Variants in WDPCP observed in about 807,000 individuals in gnomAD.
WDPCP encodes the protein WD repeat containing planar cell polarity effector, also known as WD repeat-containing and planar cell polarity effector protein fritz homolog.
In WDPCP, 71 loss-of-function variants were observed where a neutral mutation model predicts 93.1. The ratio of observed to expected loss-of-function variants is 0.76; its 90% CI spans 0.63 to 0.93. The LOEUF is 0.93. Ranked by LOEUF, WDPCP falls within the 40% of genes least tolerant of loss-of-function variation. The probability of loss-of-function intolerance (pLI) is 0.00; values close to 1 mark genes in which losing one functional copy is unlikely to be tolerated. For synonymous variants in WDPCP, 315 were observed against 315.0 expected (o/e 1.00, Z 0.00); for missense variants, 844 against 887.4 (o/e 0.95, Z 0.62).
intron 2 of WDPCP, among the ~76,000 whole-genome samples, chr2:63,700,614 T>G (rs1669033636): frequency 1.3e-5 from 2 of 152,142 alleles, no homozygotes; most frequent in Non-Finnish European, 1.5e-5. Context: ...ATTCTTTTTC[T>G]CTCGCATACA....
chr2:63,586,723 G>A (rs1708866261), intron 1 of WDPCP, among the ~76,000 whole-genome samples: 1 of 152,216 alleles, frequency 6.6e-6, no homozygotes, highest in African/African-American at 2.4e-5. Flanking sequence ...CTTCAATTCT[G>A]TATATCTGGA....
rs562710935 is a variant in WDPCP at position 63,429,700 on chromosome 2, G to A, written c.825+4045C>T. Reference sequence around the variant, plus strand: ...TCAAAAAATAACAGAAATTGGTGACGCTGCAGAAAAAAAGGGATACTTACA... The same window carrying A: ...TCAAAAAATAACAGAAATTGGTGACACTGCAGAAAAAAAGGGATACTTACA... On this transcript the variant is annotated intron_variant, in intron 9 of 17. Transcript: ENST00000272321. Among the ~76,000 whole-genome samples the A allele has an allele frequency of 2.0e-3, 299 of 152,158 alleles. 1 individual carries two copies. The highest frequency in any genetic ancestry group is 6.8e-3 in the Middle Eastern group (2 of 294).
chr2:63,505,233 C>CA (rs1433084414), intron 1 of WDPCP, among the ~76,000 whole-genome samples: 1 of 152,000 alleles, frequency 6.6e-6, no homozygotes, highest in Non-Finnish European at 1.5e-5. Context: ...AACGGTTTGT[C>CA]ACAGTGTTCG....
intron 1 of WDPCP, among the ~76,000 whole-genome samples, chr2:63,494,413 C>T (rs192993492): frequency 1.9e-4 from 29 of 152,258 alleles, no homozygotes; most frequent in African/African-American, 6.0e-4. Flanking sequence ...TATTAACTCT[C>T]TTAATCCTCA....
intron 14 of WDPCP, among the ~76,000 whole-genome samples, chr2:63,209,362 C>T (rs762827795): frequency 6.6e-6 from 1 of 152,206 alleles, no homozygotes; most frequent in Non-Finnish European, 1.5e-5. Context: ...ATGCGTGTCA[C>T]TAATTAAATG....
intron 2 of WDPCP, chr2:63,751,630 G>A: frequency 2.1e-6 from 1 of 478,506 alleles, no homozygotes; most frequent in Non-Finnish European, 4.1e-6. Context: ...GTTGTAATCT[G>A]TAGCTTCCAT....
At chr2:63,387,215 G>A (rs1358839912) in intron 10 of WDPCP, among the ~76,000 whole-genome samples, 1 of 151,916 alleles carries the variant, frequency 6.6e-6, no homozygotes, top group Non-Finnish European at 1.5e-5. Context: ...CTTGATACAC[G>A]TAGATGTAAA....
At chr2:63,386,503 C>G (rs1331018152) in intron 10 of WDPCP, among the ~76,000 whole-genome samples, 1 of 151,990 alleles carries the variant, frequency 6.6e-6, no homozygotes, top group Non-Finnish European at 1.5e-5. Flanking sequence ...AGTACCACAA[C>G]ACACTTACTA....
At chr2:63,330,613 T>A (rs898106892) in intron 12 of WDPCP, among the ~76,000 whole-genome samples, 2 of 152,180 alleles carry the variant, frequency 1.3e-5, no homozygotes, top group Admixed American at 1.3e-4. Flanking sequence ...ATTTTTCCTG[T>A]TGTTGCCTAT....
chr2:63,727,214 C>T (rs867603109), intron 2 of WDPCP, among the ~76,000 whole-genome samples: 1 of 151,966 alleles, frequency 6.6e-6, no homozygotes, highest in Admixed American at 6.6e-5. Flanking sequence ...TTTTGAGGTA[C>T]GTTCTTTTGA....
chr2:63,578,101 A>G (rs1708239330), intron 1 of WDPCP, among the ~76,000 whole-genome samples: 1 of 152,138 alleles, frequency 6.6e-6, no homozygotes, highest in African/African-American at 2.4e-5. Flanking sequence ...AAAAAAATAC[A>G]CTGTGTTATA....
chr2:63,316,946 T>C (rs914250572), intron 12 of WDPCP, among the ~76,000 whole-genome samples: 1 of 152,034 alleles, frequency 6.6e-6, no homozygotes, highest in Non-Finnish European at 1.5e-5. Flanking sequence ...CCATTCACAA[T>C]AGCCACAAAA....
At chr2:63,701,093 C>T (rs1669042710) in intron 2 of WDPCP, among the ~76,000 whole-genome samples, 2 of 152,120 alleles carry the variant, frequency 1.3e-5, no homozygotes, top group Admixed American at 6.5e-5. Flanking sequence ...AAAATATTTG[C>T]AAACTGCTCA....
At chr2:63,481,788 G>C (rs1359811159) in intron 6 of WDPCP, among the ~76,000 whole-genome samples, 3 of 151,800 alleles carry the variant, frequency 2.0e-5, no homozygotes, top group African/African-American at 7.3e-5. Context: ...ATAGGATACA[G>C]TGAATACTGC....
intron 2 of WDPCP, among the ~76,000 whole-genome samples, chr2:63,693,861 T>C (rs368171848): frequency 3.3e-5 from 5 of 152,220 alleles, no homozygotes; most frequent in East Asian, 1.9e-4. Context: ...GATTCTGCAA[T>C]TGTATACATC....
chr2:63,450,435 C>A (rs548221601), intron 6 of WDPCP, among the ~76,000 whole-genome samples: 2 of 152,314 alleles, frequency 1.3e-5, no homozygotes, highest in East Asian at 3.9e-4. Flanking sequence ...ACTGGCATCA[C>A]CCATACCATG....
chr2:63,792,941 C>G (rs543733622), intron 2 of WDPCP, among the ~76,000 whole-genome samples: 1 of 151,916 alleles, frequency 6.6e-6, no homozygotes, highest in South Asian at 2.1e-4. Flanking sequence ...GCAGAACTAC[C>G]ATGGTAGAAG....
chr2:63,338,873 G>T (rs1257536832), intron 12 of WDPCP, among the ~76,000 whole-genome samples: 1 of 151,482 alleles, frequency 6.6e-6, no homozygotes, highest in African/African-American at 2.4e-5. Flanking sequence ...GTCTTCTGTG[G>T]TTCCATATAA....
chr2:63,711,150 T>C (rs1669256430), intron 2 of WDPCP, among the ~76,000 whole-genome samples: 1 of 152,134 alleles, frequency 6.6e-6, no homozygotes, highest in African/African-American at 2.4e-5. Flanking sequence ...AAAAAGTTTA[T>C]CTCTCCTGAG....
Sources: gnomAD v4.1 joint callset for allele counts (sites outside exome capture counted in the v4.1 genomes callset) on GRCh38, gnomAD v4.1.1 for gene constraint, MANE v1.5 for transcripts, NCBI Gene and HGNC (gene_info 2026-07-23, HGNC 2026-07-21) for gene names.